ZHX2: variants seen among roughly 807,000 people sequenced by gnomAD.
The protein encoded by ZHX2 is zinc fingers and homeoboxes 2, also known as zinc fingers and homeoboxes protein 2.
Under a neutral mutation model 21.9 loss-of-function variants are expected in ZHX2, and 6 were observed. The observed-to-expected ratio is 0.27, with a 90% confidence interval of 0.15 to 0.54. The LOEUF (loss-of-function observed/expected upper bound fraction) is 0.54. Ranked by LOEUF, ZHX2 falls within the 20% of genes least tolerant of loss-of-function variation. The probability of loss-of-function intolerance (pLI) is 0.95; values close to 1 mark genes in which losing one functional copy is unlikely to be tolerated. For missense variants in ZHX2, 908 were observed against 1,090.7 expected, an observed-to-expected ratio of 0.83 and a Z score of 2.36; for synonymous variants, 434 against 437.1, an observed-to-expected ratio of 0.99 and a Z score of 0.09.
chr8:122,871,671 G>GTA (rs374444747), intron 2 of ZHX2, among the ~76,000 whole-genome samples: 10,757 of 125,290 alleles, frequency 0.086, 515 homozygotes, highest in African/African-American at 0.14. Flanking sequence ...AGAACTTAAA[G>GTA]TATATATATA....
intron 3 of ZHX2, among the ~76,000 whole-genome samples, chr8:122,972,081 G>A (rs1028000694): frequency 2.0e-5 from 3 of 152,112 alleles, no homozygotes; most frequent in Admixed American, 1.3e-4. Context: ...CTCAATCATC[G>A]CATGGTCTCT....
At chr8:122,788,568 A>G (rs980803402) in intron 1 of ZHX2, among the ~76,000 whole-genome samples, 1 of 152,172 alleles carries the variant, frequency 6.6e-6, no homozygotes, top group Non-Finnish European at 1.5e-5. Flanking sequence ...CTCTGTCTCA[A>G]AATAATAAAA....
chr8:122,857,905 G>T (rs1207679027), intron 1 of ZHX2, among the ~76,000 whole-genome samples: 1 of 152,224 alleles, frequency 6.6e-6, no homozygotes, highest in African/African-American at 2.4e-5. Context: ...TCCGGAAGTG[G>T]TGGCTGTTAT....
intron 3 of ZHX2, among the ~76,000 whole-genome samples, chr8:122,969,282 C>G (rs532172573): frequency 2.6e-5 from 4 of 152,180 alleles, no homozygotes; most frequent in African/African-American, 9.6e-5. Flanking sequence ...TGTAAAGTTG[C>G]AGTTATACAG....
intron 1 of ZHX2, among the ~76,000 whole-genome samples, chr8:122,814,330 T>C (rs1586584195): frequency 6.6e-6 from 1 of 152,374 alleles, no homozygotes; most frequent in East Asian, 1.9e-4. Flanking sequence ...GCTGAAGGGT[T>C]GACACCCACT....
At chr8:122,831,774 T>G (rs1818383738) in intron 1 of ZHX2, among the ~76,000 whole-genome samples, 1 of 152,156 alleles carries the variant, frequency 6.6e-6, no homozygotes, top group African/African-American at 2.4e-5. Flanking sequence ...TTTTTTGCAG[T>G]TAGGATACCC....
intron 1 of ZHX2, among the ~76,000 whole-genome samples, chr8:122,834,240 C>T (rs558061037): frequency 1.3e-5 from 2 of 152,296 alleles, no homozygotes; most frequent in African/African-American, 4.8e-5. Flanking sequence ...GTTGCCAGGG[C>T]GTCTGTTCCA....
chr8:122,893,988 G>A (rs1340139878), intron 2 of ZHX2, among the ~76,000 whole-genome samples: 1 of 152,230 alleles, frequency 6.6e-6, no homozygotes, highest in East Asian at 1.9e-4. Flanking sequence ...TCCTGTAGAT[G>A]TGTCCTATAG....
chr8:122,936,719 A>G (rs931616481), intron 2 of ZHX2, among the ~76,000 whole-genome samples: 2 of 152,238 alleles, frequency 1.3e-5, no homozygotes, highest in African/African-American at 4.8e-5. Context: ...GTGGGACATC[A>G]TCAGGACTGG....
Position 122,937,932 on chromosome 8 carries a change from G to GTTTT in ZHX2, c.-219-13360_-219-13359insTTTT, listed in dbSNP as rs1563593688. ...TATTATGTTTCCTGGTTTTCTTTTT[G>GTTTT]GTTTTTTTTTTTTTTTTTTTTTGAG... On this transcript the variant is annotated intron_variant, in intron 2 of 3. Coordinates refer to ENST00000314393, the MANE Select transcript of ZHX2 (RefSeq NM_014943.5). Among the ~76,000 whole-genome samples the GTTTT allele has an allele frequency of 1.1e-4, 7 of 63,218 alleles. No homozygotes were observed. In the East Asian group the frequency reaches 2.5e-3, roughly 22 times the overall value. 41.5% of individuals were successfully genotyped at this position (63,218 alleles called of 152,430 possible). A position where few individuals can be genotyped will look rare whatever the true frequency, so the allele number is the denominator to read the frequency against.
At chr8:122,910,326 A>G (rs1820447717) in intron 2 of ZHX2, among the ~76,000 whole-genome samples, 1 of 152,192 alleles carries the variant, frequency 6.6e-6, no homozygotes, top group Non-Finnish European at 1.5e-5. Flanking sequence ...GTTCAGTGAC[A>G]TGCCCCAAAA....
chr8:122,931,739 A>T (rs1326379177), intron 2 of ZHX2, among the ~76,000 whole-genome samples: 1 of 152,218 alleles, frequency 6.6e-6, no homozygotes, highest in African/African-American at 2.4e-5. Flanking sequence ...TTCTGATGTA[A>T]CTGGTCTAGG....
At chr8:122,789,340 G>A (rs2130528479) in intron 1 of ZHX2, among the ~76,000 whole-genome samples, 1 of 152,298 alleles carries the variant, frequency 6.6e-6, no homozygotes, top group East Asian at 1.9e-4. Flanking sequence ...ATATGAGACT[G>A]GGCTGAATTG....
chr8:122,957,252 T>C (rs998632794), intron 3 of ZHX2, among the ~76,000 whole-genome samples: 2 of 150,066 alleles, frequency 1.3e-5, no homozygotes, highest in African/African-American at 4.9e-5. Flanking sequence ...AATTCTCCAT[T>C]TCTAGTATAC....
chr8:122,840,397 TC>T (rs1818598623), intron 1 of ZHX2, among the ~76,000 whole-genome samples: 1 of 152,144 alleles, frequency 6.6e-6, no homozygotes, highest in Non-Finnish European at 1.5e-5. Context: ...CAGTCCCTGA[TC>T]CCAGGTTTAA....
At chr8:122,801,881 A>C (rs2130574469) in intron 1 of ZHX2, among the ~76,000 whole-genome samples, 1 of 152,220 alleles carries the variant, frequency 6.6e-6, no homozygotes, top group South Asian at 2.1e-4. Context: ...TTGACTTGGA[A>C]CTTTTCTACG....
At chr8:122,931,927 C>A (rs776995855) in intron 2 of ZHX2, among the ~76,000 whole-genome samples, 1 of 152,098 alleles carries the variant, frequency 6.6e-6, no homozygotes, top group South Asian at 2.1e-4. Flanking sequence ...AAAATGAGAG[C>A]GCTAGATGAA....
At chr8:122,884,457 T>C (rs573087184) in intron 2 of ZHX2, among the ~76,000 whole-genome samples, 1 of 152,304 alleles carries the variant, frequency 6.6e-6, no homozygotes, top group African/African-American at 2.4e-5. Flanking sequence ...CAGAAGAAAG[T>C]TCATTGGGGT....
chr8:122,899,953 G>A (rs1253992603), intron 2 of ZHX2, among the ~76,000 whole-genome samples: 1 of 152,198 alleles, frequency 6.6e-6, no homozygotes, highest in African/African-American at 2.4e-5. Flanking sequence ...ATTATGTTGA[G>A]TTTAGGCGTT....
Sources: allele counts gnomAD v4.1 joint callset (sites outside exome capture counted in the v4.1 genomes callset), GRCh38; gene constraint gnomAD v4.1.1; transcripts MANE v1.5; gene names NCBI Gene and HGNC (gene_info 2026-07-23, HGNC 2026-07-21).